COX7B2: variants seen among roughly 807,000 people sequenced by gnomAD.
COX7B2 encodes cytochrome c oxidase subunit 7B2.
For missense variants in COX7B2, 109 were observed against 95.9 expected (o/e 1.14, Z -0.57); for synonymous variants, 37 against 32.1 (o/e 1.15, Z -0.51).
intron 2 of COX7B2, among the ~76,000 whole-genome samples, chr4:46,775,587 T>C (rs1322612761): frequency 6.6e-6 from 1 of 152,086 alleles, no homozygotes; most frequent in Non-Finnish European, 1.5e-5. Context: ...GTATGGATAT[T>C]ATAAAAAGAA....
intron 2 of COX7B2, among the ~76,000 whole-genome samples, chr4:46,800,197 G>A (rs187116014): frequency 2.0e-5 from 3 of 152,162 alleles, no homozygotes; most frequent in Admixed American, 2.0e-4. Flanking sequence ...ACTGCTCAAA[G>A]CAATTTACAG....
At chr4:46,741,962 A>T (rs560532743) in intron 2 of COX7B2, among the ~76,000 whole-genome samples, 157 of 152,118 alleles carry the variant, frequency 1.0e-3, no homozygotes, top group African/African-American at 3.5e-3. Context: ...CAGCTCTAAC[A>T]CTCTGGGCTT....
chr4:46,768,385 A>C (rs1716671885), intron 2 of COX7B2, among the ~76,000 whole-genome samples: 3 of 152,024 alleles, frequency 2.0e-5, no homozygotes, highest in African/African-American at 7.2e-5. Flanking sequence ...CGACATTTAG[A>C]TGCTTCTCTC....
At chr4:46,836,740 G>C (rs527341510) in intron 2 of COX7B2, among the ~76,000 whole-genome samples, 1 of 152,226 alleles carries the variant, frequency 6.6e-6, no homozygotes, top group South Asian at 2.1e-4. Flanking sequence ...TGACAGTACA[G>C]TGGGTTATTT....
At chr4:46,873,719 G>C (rs1017291601) in intron 1 of COX7B2, among the ~76,000 whole-genome samples, 1 of 151,932 alleles carries the variant, frequency 6.6e-6, no homozygotes, top group African/African-American at 2.4e-5. Flanking sequence ...TGTGCACAAC[G>C]TGCAGGTTTG....
At chr4:46,754,099 T>G (rs2109443083) in intron 2 of COX7B2, among the ~76,000 whole-genome samples, 1 of 152,214 alleles carries the variant, frequency 6.6e-6, no homozygotes, top group Non-Finnish European at 1.5e-5. Context: ...ATAGGAACAC[T>G]TTTACACTAT....
chr4:46,873,225 G>A (rs973010275), intron 1 of COX7B2, among the ~76,000 whole-genome samples: 1 of 152,056 alleles, frequency 6.6e-6, no homozygotes, highest in African/African-American at 2.4e-5. Context: ...GTCTATCATT[G>A]CTGAACATTT....
At chr4:46,761,803 T>C (rs1250931595) in intron 2 of COX7B2, among the ~76,000 whole-genome samples, 1 of 151,970 alleles carries the variant, frequency 6.6e-6, no homozygotes, top group East Asian at 1.9e-4. Context: ...AAATCAGAAA[T>C]TCTAACTATA....
At chr4:46,784,057 A>G (rs536428122) in intron 2 of COX7B2, among the ~76,000 whole-genome samples, 7 of 152,148 alleles carry the variant, frequency 4.6e-5, no homozygotes, top group Admixed American at 4.6e-4. Flanking sequence ...TTTAGGTTAC[A>G]TGTACTTCCA....
intron 2 of COX7B2, among the ~76,000 whole-genome samples, chr4:46,796,399 C>T (rs1322945195): frequency 1.4e-5 from 2 of 146,400 alleles, no homozygotes; most frequent in Non-Finnish European, 3.0e-5. Context: ...GAGATATCAT[C>T]TCACACCGGT....
chr4:46,858,218 T>A (rs1251508199), intron 1 of COX7B2, among the ~76,000 whole-genome samples: 1 of 151,988 alleles, frequency 6.6e-6, no homozygotes, highest in Non-Finnish European at 1.5e-5. Context: ...CTCAGCCTCC[T>A]GAGTAGCTAG....
chr4:46,900,870 T>C (rs941944636), intron 1 of COX7B2, among the ~76,000 whole-genome samples: 1 of 152,204 alleles, frequency 6.6e-6, no homozygotes, highest in African/African-American at 2.4e-5. Context: ...CATAAATTAC[T>C]GTTGCTTATA....
chr4:46,794,833 G>T (rs890268369), intron 2 of COX7B2, among the ~76,000 whole-genome samples: 4 of 152,102 alleles, frequency 2.6e-5, no homozygotes, highest in African/African-American at 9.7e-5. Flanking sequence ...AAAATAGTAG[G>T]AGCCTACTAA....
intron 1 of COX7B2, among the ~76,000 whole-genome samples, chr4:46,892,105 A>C (rs2109873094): frequency 6.6e-6 from 1 of 152,246 alleles, no homozygotes; most frequent in East Asian, 1.9e-4. Flanking sequence ...AAAGATGATC[A>C]CCTTTCTTCC....
chr4:46,754,716 G>GTATATA (rs1327856395), intron 2 of COX7B2, among the ~76,000 whole-genome samples: 3 of 21,860 alleles, frequency 1.4e-4, no homozygotes, highest in African/African-American at 4.7e-4. Flanking sequence ...GTGTGTGTGT[G>GTATATA]TGTGTGTGTG....
intron 2 of COX7B2, among the ~76,000 whole-genome samples, chr4:46,839,579 A>G (rs756652249): frequency 1.6e-4 from 24 of 152,028 alleles, no homozygotes; most frequent in Non-Finnish European, 1.9e-4. Context: ...GCTGCCAGAA[A>G]TTCCACACGA....
chr4:46,763,145 ATAT>A lies in COX7B2; in HGVS notation c.-49-27907_-49-27905del, dbSNP rs1471017406. 2.7e-5 allele frequency among the ~76,000 whole-genome samples: 3 copies of A among 111,756 alleles called. No homozygotes were observed. In the East Asian group the frequency reaches 7.3e-4, roughly 27 times the overall value. The allele number at this position is 111,756 out of a possible 152,430, so 73.3% of individuals were successfully genotyped here. On this transcript the variant is annotated intron_variant, in intron 2 of 2. Coordinates refer to ENST00000355591, the MANE Select transcript of COX7B2 (RefSeq NM_130902.3). ...ATTATAATTATAATTGTATAATTAT[ATAT>A]TATAATATATATTTACAATATATAT...
At chr4:46,795,260 A>G (rs1413390670) in intron 2 of COX7B2, among the ~76,000 whole-genome samples, 3 of 106,188 alleles carry the variant, frequency 2.8e-5, no homozygotes, top group East Asian at 4.9e-4. Context: ...TGTTTTGGAC[A>G]TGAAGTCCTT....
intron 1 of COX7B2, among the ~76,000 whole-genome samples, chr4:46,877,001 C>T (rs1482802510): frequency 6.6e-6 from 1 of 151,726 alleles, no homozygotes; most frequent in Non-Finnish European, 1.5e-5. Context: ...TTTGAGTTCA[C>T]AATGTTAAGT....
Sources: allele counts gnomAD v4.1 joint callset (sites outside exome capture counted in the v4.1 genomes callset), GRCh38; gene constraint gnomAD v4.1.1; transcripts MANE v1.5; gene names NCBI Gene and HGNC (gene_info 2026-07-23, HGNC 2026-07-21).